Variants in NIN observed in about 807,000 individuals in gnomAD.
NIN encodes the protein ninein.
In NIN, 137 loss-of-function variants were observed where a neutral mutation model predicts 257.6. The ratio of observed to expected loss-of-function variants is 0.53; its 90% CI spans 0.46 to 0.61. NIN has a LOEUF of 0.61. NIN is among the 20% of genes least tolerant of loss of function. NIN has a pLI of 0.00. For missense variants in NIN, 2,439 were observed against 2,501.2 expected, an observed-to-expected ratio of 0.98 and a Z score of 0.53; for synonymous variants, 918 against 919.8, an observed-to-expected ratio of 1.00 and a Z score of 0.04.
rs555591369 is a variant in NIN, at chr14:50,812,088, C to G, written c.184-5270G>C. ...TGAGTTGAGATCACGCCACTGCACT[C>G]CAGCTTGGGTGACAGAGCGAGACTC... is the stretch of plus-strand genomic sequence containing the variant. On this transcript the variant is annotated intron_variant, in intron 3 of 30. Coordinates refer to ENST00000530997, the MANE Select transcript of NIN (RefSeq NM_020921.4). 3.3e-5 allele frequency among the ~76,000 whole-genome samples: 5 copies of G among 152,248 alleles called. No individual in the cohort carries two copies. In the South Asian group the frequency reaches 1.0e-3, roughly 32 times the overall value.
chr14:50,766,303 C>G lies in NIN; in HGVS notation c.1635+4G>C. 1 of 1,612,192 alleles carries G rather than the reference C, an allele frequency of 6.2e-7. No homozygotes were observed. Among genetic ancestry groups the G allele is most frequent in the Non-Finnish European group, 8.5e-7 (1 of 1,178,342 alleles). ...CACTTACTCAGTTCTCTTTGTCTAC[C>G]TACCCTGCACTGCCGCTCATATTCA... On this transcript the variant is annotated splice_donor_region_variant and intron_variant, in intron 14 of 30. Coordinates refer to ENST00000530997, the MANE Select transcript of NIN (RefSeq NM_020921.4).
In NIN at chr14:50,765,843, G is replaced by GTTTT. The variant is rs34321797; in HGVS notation, c.1635+460_1635+463dup. Among the ~76,000 whole-genome samples the GTTTT allele has an allele frequency of 1.9e-3, 280 of 146,942 alleles. 2 individuals are homozygous for GTTTT. Among genetic ancestry groups the GTTTT allele is most frequent in the Middle Eastern group, 7.0e-3 (2 of 286 alleles). ...AATAATGTTAATAGCTAACATTTATGTTTTTTTTTTTTAATTTTATTATAC... is the reference window on the plus strand; with the variant it reads ...AATAATGTTAATAGCTAACATTTATGTTTTTTTTTTTTTTTTAATTTTATTATAC... On this transcript the variant is annotated intron_variant, in intron 14 of 30. Coordinates refer to ENST00000530997, the MANE Select transcript of NIN (RefSeq NM_020921.4).
intron 22 of NIN, 57 bp from the exon 23 acceptor site, chr14:50,744,422 G>A: frequency 1.3e-6 from 2 of 1,578,568 alleles, no homozygotes; most frequent in Non-Finnish European, 1.7e-6. Context: ...TAAGTACAAA[G>A]GGGTATTTCT....
intron 13 of NIN, 85 bp from the exon 14 acceptor site, chr14:50,766,481 C>T (rs1478127670): frequency 2.6e-6 from 3 of 1,163,060 alleles, no homozygotes; most frequent in East Asian, 4.7e-5. Flanking sequence ...TTCTGGTATT[C>T]ACCCAGTCTC....
intron 28 of NIN, 79 bp downstream of exon 28, chr14:50,735,437 G>GTC: frequency 6.5e-7 from 1 of 1,529,288 alleles, no homozygotes; most frequent in South Asian, 1.3e-5. Context: ...TCAATGCCAT[G>GTC]TCTAGTCTCT....
chr14:50,812,790 A>T (rs1318494024), intron 3 of NIN, among the ~76,000 whole-genome samples: 2 of 152,234 alleles, frequency 1.3e-5, no homozygotes, highest in African/African-American at 4.8e-5. Flanking sequence ...TTTTAGATGA[A>T]AAGGGGCTCT....
intron 6 of NIN, among the ~76,000 whole-genome samples, chr14:50,778,399 T>A (rs2043001891): frequency 1.3e-5 from 2 of 152,112 alleles, no homozygotes; most frequent in South Asian, 4.1e-4. Context: ...AACTACTGCG[T>A]TCCAGTAATC....
At chr14:50,778,020 A>G (rs2042985567) in intron 6 of NIN, among the ~76,000 whole-genome samples, 1 of 152,210 alleles carries the variant, frequency 6.6e-6, no homozygotes, top group African/African-American at 2.4e-5. Flanking sequence ...ATTACACTTA[A>G]GTACAGTTAA....
chr14:50,758,076 G>T lies in NIN; in HGVS notation c.2954C>A (p.Ser985Tyr), dbSNP rs765552945. The change falls in exon 18 of 31, where the codon TCC becomes TAC. Residue 985 changes from serine (S) to tyrosine (Y), a missense_variant. Ser to Tyr is a moderately radical substitution (Grantham distance 144). Transcript: ENST00000530997. ...EHDQERQEMM[S>Y]KLLAMENIHK... ...AATGTTCTCCATGGCTAGAAGCTTG[G>T]ACATCATTTCCTGCCTTTCCTGGTC... 6.3e-5 allele frequency: 101 copies of T among 1,614,040 alleles called. No homozygotes were observed. Among genetic ancestry groups the T allele is most frequent in the Non-Finnish European group, 7.6e-5 (90 of 1,180,032 alleles).
rs547673013 is a variant in NIN, at chr14:50,745,637, A to G, written c.5065-1272T>C. Among the ~76,000 whole-genome samples, 9 of 152,318 alleles carry G rather than the reference A, an allele frequency of 5.9e-5. 1 individual carries two copies. Among genetic ancestry groups the G allele is most frequent in the African/African-American group, 2.2e-4 (9 of 41,578 alleles). On this transcript the variant is annotated intron_variant, in intron 22 of 30. Transcript: ENST00000530997. ...ACCTTACAAATCTGAACAAGTCAGA[A>G]GGATATAGGAAAATGTATTTTGAAA...
intron 2 of NIN, among the ~76,000 whole-genome samples, chr14:50,824,445 T>C (rs2142502996): frequency 6.6e-6 from 1 of 152,326 alleles, no homozygotes; most frequent in African/African-American, 2.4e-5. Flanking sequence ...ACCACCCCTG[T>C]GGAACAAATG....
chr14:50,775,633 A>G (rs951023084), intron 7 of NIN, among the ~76,000 whole-genome samples: 2 of 152,236 alleles, frequency 1.3e-5, no homozygotes, highest in African/African-American at 2.4e-5. Context: ...TCCTCAGGCC[A>G]GAGGAAAATA....
chr14:50,798,342 T>G lies in NIN; in HGVS notation c.266-5461A>C, dbSNP rs2142087789. ...ATGCTTCTTGCTGGAACACAGGGGCTTCTGGACACAAAAGTAACAGGGTGG... is the reference window on the plus strand; with the variant it reads ...ATGCTTCTTGCTGGAACACAGGGGCGTCTGGACACAAAAGTAACAGGGTGG... On this transcript the variant is annotated intron_variant, in intron 4 of 30. Transcript: ENST00000530997. Among the ~76,000 whole-genome samples the G allele has an allele frequency of 2.6e-5, 4 of 152,278 alleles. No individual in the cohort carries two copies. The South Asian group carries it at 8.3e-4, about 32-fold the overall frequency.
chr14:50,723,670 G>A lies in NIN; in HGVS notation c.6195C>T (p.Leu2065=). The A allele has an allele frequency of 6.2e-7, 1 of 1,613,494 alleles. No individual in the cohort carries two copies. Among genetic ancestry groups the A allele is most frequent in the Non-Finnish European group, 8.5e-7 (1 of 1,179,524 alleles). ...TTGCGTCTGCCTTAGTGTTCTTGCA[G>A]AGCTAGAAACAGAACCAGAAACATC... The part of the protein sequence containing the change: ...QEKVNQLKEQ[L]CKNTKADAMV... The change falls in exon 31 of 31, where the codon CTC becomes CTT. Residue 2065 remains leucine, a splice_region_variant and synonymous_variant. Coordinates refer to ENST00000530997, the MANE Select transcript of NIN (RefSeq NM_020921.4).
chr14:50,769,190 AGT>A (rs1262207756), intron 12 of NIN, among the ~76,000 whole-genome samples: 3 of 152,186 alleles, frequency 2.0e-5, no homozygotes, highest in Non-Finnish European at 2.9e-5. Context: ...CCCACACATC[AGT>A]GCTATAGGGT....
Position 50,821,878 on chromosome 14 carries a change from C to A in NIN, c.179G>T (p.Gly60Val), listed in dbSNP as rs2045239877. 1 of 1,612,990 alleles carries A rather than the reference C, an allele frequency of 6.2e-7. No homozygotes were observed. The highest frequency in any genetic ancestry group is 8.5e-7 in the Non-Finnish European group (1 of 1,179,310). Residue 60 changes from glycine to valine, a missense_variant, in exon 3 of 31, where the codon GGC (glycine) becomes GTC (valine). By Grantham distance (109) the Gly-to-Val change is moderately radical. Around this residue, in one of 3 missense-constraint regions of NIN, gnomAD observed 387 missense variants for 427.3 expected, o/e 0.91. Transcript: ENST00000530997. ...ACGTTCTTCCCCAGACCTTACCCTGCCCAAGAGGTTGTCCTGAAGTAATGT... is the reference window on the plus strand; with the variant it reads ...ACGTTCTTCCCCAGACCTTACCCTGACCAAGAGGTTGTCCTGAAGTAATGT... ...QQTLLQDNLL[G>V]RVHFDQFKEA... is the part of the protein sequence containing the mutation.
intron 29 of NIN, chr14:50,727,771 AG>A: frequency 7.0e-7 from 1 of 1,418,778 alleles, no homozygotes; most frequent in Non-Finnish European, 9.5e-7. Context: ...GAAGGCAAGT[AG>A]TACACTTCAC....
intron 30 of NIN, 183 bp from the exon 31 acceptor site, chr14:50,723,855 C>A (rs2040319760): frequency 1.7e-6 from 1 of 578,122 alleles, no homozygotes; most frequent in Non-Finnish European, 3.0e-6. Flanking sequence ...TGGAACAAAT[C>A]TACTTTTTCT....
In NIN at chr14:50,738,160, GTTCT is replaced by G. The variant is rs2041092602; in HGVS notation, c.5751_5754del (p.Lys1917AsnfsTer12). 1.9e-6 allele frequency: 3 copies of G among 1,613,968 alleles called. No homozygotes were observed. Among genetic ancestry groups the G allele is most frequent in the African/African-American group, 2.7e-5 (2 of 74,910 alleles). On this transcript the variant is annotated frameshift_variant, in exon 27 of 31. Coordinates refer to ENST00000530997, the MANE Select transcript of NIN (RefSeq NM_020921.4). LOFTEE classifies it high-confidence loss of function. Reference sequence around the variant, plus strand: ...CTCACCTTCCTGTTAGCAGGAGATTGTTCTTTCTGAAACTGATCACACTCTCTCT... The same window carrying G: ...CTCACCTTCCTGTTAGCAGGAGATTGTTCTGAAACTGATCACACTCTCTCT...
Sources: gnomAD v4.1 joint callset for allele counts (sites outside exome capture counted in the v4.1 genomes callset) on GRCh38, gnomAD v4.1.1 for gene constraint, gnomAD v4.1.1 regional missense constraint, MANE v1.5 for transcripts, NCBI Gene and HGNC (gene_info 2026-07-23, HGNC 2026-07-21) for gene names.